The following TMEM143 variants were observed in gnomAD, a reference collection of about 807,000 sequenced individuals.
The protein encoded by TMEM143 is transmembrane protein 143.
Under a neutral mutation model 40.3 loss-of-function variants are expected in TMEM143, and 45 were observed. That is an observed-to-expected ratio of 1.12 (90% CI 0.88 to 1.43). The LOEUF is 1.43. TMEM143 is among the 40% of genes most tolerant of loss of function. TMEM143 has a pLI of 0.00. For missense variants in TMEM143, 620 were observed against 613.4 expected (o/e 1.01, Z -0.11); for synonymous variants, 299 against 282.7 (o/e 1.06, Z -0.58).
At chr19:48,350,531 G>A (rs903159496) in intron 3 of TMEM143, among the ~76,000 whole-genome samples, 25 of 151,958 alleles carry the variant, frequency 1.6e-4, no homozygotes, top group East Asian at 5.8e-4. Flanking sequence ...CACCACCCAC[G>A]TTCAGCTCCC....
intron 3 of TMEM143, among the ~76,000 whole-genome samples, chr19:48,349,002 C>T (rs1249867907): frequency 6.6e-6 from 1 of 151,944 alleles, no homozygotes; most frequent in African/African-American, 2.4e-5. Flanking sequence ...ACAGCAAGAT[C>T]CCATCTCTAC....
At chr19:48,350,086 C>T (rs1969729821) in intron 3 of TMEM143, among the ~76,000 whole-genome samples, 1 of 150,014 alleles carries the variant, frequency 6.7e-6, no homozygotes, top group African/African-American at 2.5e-5. Flanking sequence ...CTGCAACCTC[C>T]GCCTCCCGGG....
At chr19:48,341,593 T>A (rs1969488728) in intron 6 of TMEM143, among the ~76,000 whole-genome samples, 1 of 152,180 alleles carries the variant, frequency 6.6e-6, no homozygotes, top group East Asian at 1.9e-4. Context: ...CTGTGCCATG[T>A]GGGAGGCTCT....
intron 2 of TMEM143, 195 bp from the exon 3 acceptor site, chr19:48,360,371 A>G (rs1231915910): frequency 1.8e-6 from 1 of 542,256 alleles, no homozygotes; most frequent in East Asian, 3.6e-5. Flanking sequence ...TGAAGTCAGG[A>G]GTTCAAGACC....
chr19:48,333,183 C>A lies in TMEM143; in HGVS notation c.*36G>T. Reference sequence around the variant, plus strand: ...GTCGTGAAGGAGGCGGGGCTTAGTTCCTAGCCTGCTGACTGGGCAGGGAGG... The same window carrying A: ...GTCGTGAAGGAGGCGGGGCTTAGTTACTAGCCTGCTGACTGGGCAGGGAGG... On this transcript the variant is annotated 3_prime_UTR_variant, in exon 8 of 8. Coordinates refer to ENST00000293261, the MANE Select transcript of TMEM143 (RefSeq NM_018273.4). The surrounding 1 kb of genome is among the most constrained non-coding windows in gnomAD (Gnocchi z 4.1). 7.1e-7 allele frequency: 1 copy of A among 1,401,208 alleles called. No homozygotes were observed. The highest frequency in any genetic ancestry group is 9.4e-7 in the Non-Finnish European group (1 of 1,059,206). The allele number at this position is 1,401,208 out of a possible 1,614,324, so 86.8% of individuals were successfully genotyped here.
rs79738654 is a variant in TMEM143 at position 48,351,908 on chromosome 19, C to T, written c.370-6554G>A. On this transcript the variant is annotated intron_variant, in intron 3 of 7. Coordinates refer to ENST00000293261, the MANE Select transcript of TMEM143 (RefSeq NM_018273.4). ...CCATAGGACATCAGTTCCAGGATGT[C>T]CCATGGATACCCAAACCTACAGATG... Among the ~76,000 whole-genome samples the T allele has an allele frequency of 1.9e-3, 286 of 152,124 alleles. 2 individuals carry two copies. The highest frequency in any genetic ancestry group is 6.5e-3 in the African/African-American group (271 of 41,484).
In TMEM143 at chr19:48,333,496, G is replaced by A. The variant is rs1334698481; in HGVS notation, c.1166-63C>T. 45 of 1,154,528 alleles carry A rather than the reference G, an allele frequency of 3.9e-5. No homozygotes were observed. In the South Asian group the frequency reaches 5.8e-4, roughly 15 times the overall value. 71.5% of individuals were successfully genotyped at this position (1,154,528 alleles called of 1,614,324 possible). ...AGATCGGGGAAGATTCGAGGGAGCAGCAAGGAGGGGCGTAGGGCAAAGAAC... is the reference window on the plus strand; with the variant it reads ...AGATCGGGGAAGATTCGAGGGAGCAACAAGGAGGGGCGTAGGGCAAAGAAC... On this transcript the variant is annotated intron_variant, in intron 7 of 7. Transcript: ENST00000293261. The surrounding 1 kb of genome is among the most constrained non-coding windows in gnomAD (Gnocchi z 4.1).
Position 48,334,200 on chromosome 19 carries a change from G to T in TMEM143, c.976-3C>A. On this transcript the variant is annotated splice_region_variant and splice_polypyrimidine_tract_variant and intron_variant, in intron 6 of 7. Coordinates refer to ENST00000293261, the MANE Select transcript of TMEM143 (RefSeq NM_018273.4). Reference sequence around the variant, plus strand: ...GCGCTGCGCCGCTGCCCGAACATCTGCAGGCGGGACAGCGCCCCGTGGGCT... The same window carrying T: ...GCGCTGCGCCGCTGCCCGAACATCTTCAGGCGGGACAGCGCCCCGTGGGCT... 6.3e-7 allele frequency: 1 copy of T among 1,595,094 alleles called. No individual in the cohort carries two copies. The highest frequency in any genetic ancestry group is 1.1e-5 in the South Asian group (1 of 89,130).
intron 6 of TMEM143, among the ~76,000 whole-genome samples, chr19:48,337,386 A>T (rs1969395433): frequency 6.6e-6 from 1 of 151,998 alleles, no homozygotes; most frequent in African/African-American, 2.4e-5. Context: ...GTCTCTACTA[A>T]AAATACAAAA....
chr19:48,334,478 CTTTT>C (rs776760857), intron 6 of TMEM143, among the ~76,000 whole-genome samples: 3 of 38,218 alleles, frequency 7.8e-5, no homozygotes, highest in Admixed American at 3.2e-4. Context: ...TTCTTTCTTT[CTTTT>C]TCTTTCTTTC....
At chr19:48,353,604 A>G (rs1010169186) in intron 3 of TMEM143, among the ~76,000 whole-genome samples, 3 of 151,942 alleles carry the variant, frequency 2.0e-5, no homozygotes, top group Non-Finnish European at 2.9e-5. Flanking sequence ...ATTCAAATTT[A>G]CTGGGTATAA....
intron 3 of TMEM143, among the ~76,000 whole-genome samples, chr19:48,350,794 C>T (rs1199658009): frequency 4.0e-5 from 6 of 151,796 alleles, no homozygotes; most frequent in South Asian, 4.2e-4. Context: ...TGGTGGTGCG[C>T]GCCTGTAGTC....
chr19:48,363,321 G>A lies in TMEM143; in HGVS notation c.234C>T (p.Ser78=). 6.2e-7 allele frequency: 1 copy of A among 1,614,158 alleles called. No homozygotes were observed. ...TTAGGAGGCGGAGCAGCTGCTCCTT[G>A]GAGAAGGGAATGAAGCGCTCGCGGT... The part of the protein sequence containing the change: ...QQYRERFIPF[S]KEQLLRLLIQ... The change falls in exon 2 of 8, where the codon TCC becomes TCT. Residue 78 remains serine, a synonymous_variant. Coordinates refer to ENST00000293261, the MANE Select transcript of TMEM143 (RefSeq NM_018273.4).
chr19:48,354,209 T>C (rs1298743641), intron 3 of TMEM143, among the ~76,000 whole-genome samples: 4 of 150,662 alleles, frequency 2.7e-5, no homozygotes, highest in Admixed American at 6.6e-5. Flanking sequence ...TCCACCTGCC[T>C]CGGCCTCCCA....
At chr19:48,341,916 T>G (rs1969495510) in intron 6 of TMEM143, among the ~76,000 whole-genome samples, 1 of 151,972 alleles carries the variant, frequency 6.6e-6, no homozygotes, top group South Asian at 2.1e-4. Flanking sequence ...ACTCATTTCA[T>G]GCTCACAACC....
chr19:48,348,070 T>C (rs557407723), intron 3 of TMEM143, among the ~76,000 whole-genome samples: 38 of 145,342 alleles, frequency 2.6e-4, no homozygotes, highest in African/African-American at 8.3e-4. Flanking sequence ...GCCAAGAAAA[T>C]CCTCCTCTGA....
chr19:48,342,049 G>C (rs1253759370), intron 6 of TMEM143, among the ~76,000 whole-genome samples: 1 of 149,582 alleles, frequency 6.7e-6, no homozygotes, highest in East Asian at 2.0e-4. Flanking sequence ...GGGAAGGGAG[G>C]GGAGCGGAGG....
At chr19:48,338,065 C>T (rs144400300) in intron 6 of TMEM143, among the ~76,000 whole-genome samples, 37 of 152,204 alleles carry the variant, frequency 2.4e-4, no homozygotes, top group African/African-American at 8.4e-4. Flanking sequence ...ATACAGCACT[C>T]GCTCCTCCTA....
At chr19:48,363,720 T>A in intron 1 of TMEM143, 178 bp downstream of exon 1, 1 of 1,359,644 alleles carries the variant, frequency 7.4e-7, no homozygotes, top group East Asian at 2.4e-5. Context: ...CAGACAGGGG[T>A]CAGAGGTCTT....
Sources: allele counts gnomAD v4.1 joint callset (sites outside exome capture counted in the v4.1 genomes callset), GRCh38; gene constraint gnomAD v4.1.1; non-coding constraint Gnocchi (gnomAD v3.1); transcripts MANE v1.5; gene names NCBI Gene and HGNC (gene_info 2026-07-23, HGNC 2026-07-21).